ZNF544: variants seen among roughly 807,000 people sequenced by gnomAD.
ZNF544 encodes the protein zinc finger protein 544, also known as zinc finger protein AF020591.
ZNF544 carries 10 observed loss-of-function variants against 13.5 expected under a neutral mutation model. That is an observed-to-expected ratio of 0.74 (90% CI 0.46 to 1.25). The LOEUF (loss-of-function observed/expected upper bound fraction) is 1.25, where lower values mean the gene tolerates loss of function less well. Ranked by LOEUF, ZNF544 falls within the 50% of genes most tolerant of loss-of-function variation. The probability of loss-of-function intolerance (pLI) is 0.00; values close to 1 mark genes in which losing one functional copy is unlikely to be tolerated. For synonymous variants in ZNF544, 323 were observed against 300.5 expected (o/e 1.07, Z -0.77); for missense variants, 896 against 845.6 (o/e 1.06, Z -0.74).
rs2049088242 is a variant in ZNF544, at chr19:58,262,100, G to A, written c.1494G>A (p.Gly498=). The change falls in exon 7 of 7, where the codon GGG becomes GGA. Residue 498 remains glycine (G), a synonymous_variant. Coordinates refer to ENST00000687789, the MANE Select transcript of ZNF544 (RefSeq NM_014480.4). The part of the protein sequence containing the change: ...GEKPFKCTQC[G]KSFSQKYDLV... ...AACCCTTCAAATGTACTCAGTGTGG[G>A]AAATCTTTCAGCCAGAAGTATGACC... The A allele has an allele frequency of 6.2e-7, 1 of 1,609,022 alleles. No homozygotes were observed. Among genetic ancestry groups the A allele is most frequent in the Non-Finnish European group, 8.5e-7 (1 of 1,178,928 alleles).
chr19:58,260,216 A>G (rs1600384320), intron 6 of ZNF544: 1 of 152,306 alleles, frequency 6.6e-6, no homozygotes, highest in East Asian at 1.9e-4. Flanking sequence ...GCAATGGTTA[A>G]TGGCTTTATA....
chr19:58,266,471 T>A (rs1281661059), downstream of ZNF544, among the ~76,000 whole-genome samples: 3 of 127,106 alleles, frequency 2.4e-5, no homozygotes, highest in Admixed American at 3.2e-4. Context: ...GCCAAAATCA[T>A]GCCACTGCAC....
intron 5 of ZNF544, among the ~76,000 whole-genome samples, chr19:58,272,074 T>G (rs541025769): frequency 6.7e-6 from 1 of 149,766 alleles, no homozygotes; most frequent in African/African-American, 2.5e-5. Context: ...AGCAGGAGAA[T>G]CGCTGGAACC....
intron 3 of ZNF544, among the ~76,000 whole-genome samples, chr19:58,243,760 G>T (rs186322465): frequency 6.6e-6 from 1 of 152,272 alleles, no homozygotes; most frequent in East Asian, 1.9e-4. Context: ...GGGGGCTGCT[G>T]CGTGTCTGGA....
At chr19:58,229,657 CTG>C (rs142970416) in intron 2 of ZNF544, 87 bp downstream of exon 2, 26,277 of 152,444 alleles carry the variant, frequency 0.17, 2,896 homozygotes, top group Middle Eastern at 0.3. Context: ...GCAGGGGTAA[CTG>C]GGGTGTTGGG....
chr19:58,275,125 C>T (rs900905529), intron 5 of ZNF544, among the ~76,000 whole-genome samples: 18 of 152,064 alleles, frequency 1.2e-4, no homozygotes, highest in Non-Finnish European at 1.8e-4. Flanking sequence ...GACTATTCCA[C>T]CCATAATTAA....
At position 58,262,328 on chromosome 19, in the gene ZNF544, A is replaced by C. The variant is rs1203064736; in HGVS notation, c.1722A>C (p.Lys574Asn). 3.1e-6 allele frequency: 5 copies of C among 1,613,850 alleles called. No homozygotes were observed. Among genetic ancestry groups the C allele is most frequent in the Non-Finnish European group, 3.4e-6 (4 of 1,179,942 alleles). Residue 574 changes from lysine (K) to asparagine (N), a missense_variant, in exon 7 of 7, where the codon AAA becomes AAC. By Grantham distance (94) the Lys-to-Asn change is moderately conservative. Coordinates refer to ENST00000687789, the MANE Select transcript of ZNF544 (RefSeq NM_014480.4). ...VIHQRIHTGE[K>N]PYDCTHCGKS... ...ATCAGAGAATTCATACTGGAGAGAAACCGTACGATTGCACTCACTGTGGAA... is the reference window on the plus strand; with the variant it reads ...ATCAGAGAATTCATACTGGAGAGAACCCGTACGATTGCACTCACTGTGGAA...
chr19:58,254,753 A>C (rs1337239210), intron 6 of ZNF544, among the ~76,000 whole-genome samples: 1 of 152,182 alleles, frequency 6.6e-6, no homozygotes, highest in African/African-American at 2.4e-5. Flanking sequence ...CACAGGACTA[A>C]GGAGGTTCTG....
At chr19:58,256,472 G>A (rs1426866173) in intron 6 of ZNF544, among the ~76,000 whole-genome samples, 1 of 152,074 alleles carries the variant, frequency 6.6e-6, no homozygotes, top group Non-Finnish European at 1.5e-5. Context: ...GGACTCAAAT[G>A]CAATAAGTCT....
rs760649167 is a variant in ZNF544, at chr19:58,247,064, G to GT, written c.244+279dup. 5.7e-4 allele frequency among the ~76,000 whole-genome samples: 86 copies of GT among 151,332 alleles called. No individual in the cohort carries two copies. The Middle Eastern group carries it at 0.021, about 36-fold the overall frequency. On this transcript the variant is annotated intron_variant, in intron 6 of 6. Transcript: ENST00000687789. The stretch of plus-strand genomic sequence containing the variant: ...CCATTTAGGCCTCTTTACTTGATTT[G>GT]TTTTTTTTTAATTAATGTATGTATT...
intron 6 of ZNF544, among the ~76,000 whole-genome samples, chr19:58,256,530 A>G (rs2047413079): frequency 6.6e-6 from 1 of 152,234 alleles, no homozygotes; most frequent in Non-Finnish European, 1.5e-5. Context: ...ATGGTTACAG[A>G]GAGATAAACA....
rs1352100476 is a variant in ZNF544, at chr19:58,261,064, A to C, written c.458A>C (p.Gln153Pro). Residue 153 changes from glutamine (Q) to proline (P), a missense_variant, in exon 7 of 7, where the codon CAA becomes CCA. Transcript: ENST00000687789. ...CTCACCTCAGAGAGACTGTTTGCTC[A>C]AAGGGAACATTGTGAGCTTGAACTT... is the stretch of plus-strand genomic sequence containing the variant. ...MVLTSERLFA[Q>P]REHCELELGG... 5.6e-6 allele frequency: 9 copies of C among 1,614,226 alleles called. No individual in the cohort carries two copies. Among genetic ancestry groups the C allele is most frequent in the Non-Finnish European group, 5.9e-6 (7 of 1,180,034 alleles).
At chr19:58,246,855 C>A (rs562192155) in intron 6 of ZNF544, 61 bp downstream of exon 6, 2 of 1,541,428 alleles carry the variant, frequency 1.3e-6, no homozygotes, top group African/African-American at 1.4e-5. Context: ...GAGAGCTCTC[C>A]GCAGGGCCCC....
chr19:58,257,586 G>A (rs1259983048), intron 6 of ZNF544: 2 of 152,220 alleles, frequency 1.3e-5, no homozygotes, highest in African/African-American at 2.4e-5. Flanking sequence ...GAAAGTTGGG[G>A]GGAGTTGCAA....
intron 5 of ZNF544, chr19:58,276,306 A>C: frequency 2.5e-6 from 3 of 1,198,252 alleles, no homozygotes; most frequent in Non-Finnish European, 3.1e-6. Context: ...TCCTCCTAGT[A>C]CCTTCTCTGC....
rs1568499509 is a variant in ZNF544, at chr19:58,261,553, CAGAA to C, written c.952_955del (p.Arg318ValfsTer161). 9 of 1,614,074 alleles carry C rather than the reference CAGAA, an allele frequency of 5.6e-6. No homozygotes were observed. The highest frequency in any genetic ancestry group is 3.3e-4 in the Middle Eastern group (2 of 6,084). On this transcript the variant is annotated frameshift_variant, in exon 7 of 7. Coordinates refer to ENST00000687789, the MANE Select transcript of ZNF544 (RefSeq NM_014480.4). LOFTEE classifies it low-confidence loss of function (END_TRUNC). ...TCTGAGAGTCTGTGCCTTGTACAAA[CAGAA>C]AGAAGTGGCCCTGGAGAGACCCCCT... is the stretch of plus-strand genomic sequence containing the variant.
At position 58,261,576 on chromosome 19, in the gene ZNF544, AC is replaced by A; in HGVS notation, c.975del (p.Phe326SerfsTer154). The A allele has an allele frequency of 6.2e-7, 1 of 1,613,980 alleles. No homozygotes were observed. Among genetic ancestry groups the A allele is most frequent in the Non-Finnish European group, 8.5e-7 (1 of 1,179,988 alleles). On this transcript the variant is annotated frameshift_variant, in exon 7 of 7. Transcript: ENST00000687789. LOFTEE classifies it low-confidence loss of function (END_TRUNC). ...VQTERSGPGE[T>X]PFRCEERCAA... The stretch of plus-strand genomic sequence containing the variant: ...AACAGAAAGAAGTGGCCCTGGAGAG[AC>A]CCCCTTCAGATGTGAGGAACGCTGT...
chr19:58,237,201 C>T (rs1198920840), intron 3 of ZNF544, among the ~76,000 whole-genome samples: 3 of 151,562 alleles, frequency 2.0e-5, no homozygotes, highest in Admixed American at 1.3e-4. Flanking sequence ...GTAGCTGGGA[C>T]TACAGGTGTG....
chr19:58,246,602 T>C (rs8108238), intron 5 of ZNF544, 109 bp from the exon 6 acceptor site: 46,833 of 1,471,016 alleles, frequency 0.032, 2,400 homozygotes, highest in African/African-American at 0.19. Flanking sequence ...CTTGTAGTCC[T>C]AACAGTGGGG....
Sources: allele counts gnomAD v4.1 joint callset (sites outside exome capture counted in the v4.1 genomes callset), GRCh38; gene constraint gnomAD v4.1.1; transcripts MANE v1.5; gene names NCBI Gene and HGNC (gene_info 2026-07-23, HGNC 2026-07-21).